CCDC178: variants seen among roughly 807,000 people sequenced by gnomAD.
CCDC178 encodes coiled-coil domain containing 178.
CCDC178 carries 126 observed loss-of-function variants against 117.4 expected under a neutral mutation model. The ratio of observed to expected loss-of-function variants is 1.07; its 90% confidence interval spans 0.93 to 1.24. The LOEUF is 1.24. CCDC178 is among the 50% of genes most tolerant of loss of function. The pLI is 0.00. For missense variants in CCDC178, 1,030 were observed against 986.9 expected (o/e 1.04, Z -0.59); for synonymous variants, 283 against 313.4 (o/e 0.90, Z 1.02).
chr18:33,415,970 T>TA (rs2063934585), intron 2 of CCDC178, among the ~76,000 whole-genome samples: 2 of 152,140 alleles, frequency 1.3e-5, no homozygotes, highest in Admixed American at 6.5e-5. Flanking sequence ...ATTCCAAACT[T>TA]GAAGTAGAAG....
rs550245330 is a variant in CCDC178 at position 32,964,661 on chromosome 18, G to A, written c.2523+9886C>T. On this transcript the variant is annotated intron_variant, in intron 22 of 22. Coordinates refer to ENST00000383096, the MANE Select transcript of CCDC178 (RefSeq NM_001105528.4). Reference sequence around the variant, plus strand: ...TCACAGTGACCCTTGGATAGGTGCTGTTTATACCTGCTTCACGTCCCAGAT... The same window carrying A: ...TCACAGTGACCCTTGGATAGGTGCTATTTATACCTGCTTCACGTCCCAGAT... Among the ~76,000 whole-genome samples, 8 of 152,018 alleles carry A rather than the reference G, an allele frequency of 5.3e-5. No homozygotes were observed. In the East Asian group the frequency reaches 9.7e-4, roughly 18 times the overall value.
chr18:33,223,018 T>C, intron 18 of CCDC178, 88 bp downstream of exon 18: 1 of 940,352 alleles, frequency 1.1e-6, no homozygotes, highest in East Asian at 2.6e-5. Flanking sequence ...ATGAGACACA[T>C]TCATTTAAAA....
intron 20 of CCDC178, among the ~76,000 whole-genome samples, chr18:33,133,990 T>C (rs889027788): frequency 6.6e-6 from 1 of 151,964 alleles, no homozygotes; most frequent in Non-Finnish European, 1.5e-5. Flanking sequence ...AAAATGATGA[T>C]GATTTTGTCC....
intron 12 of CCDC178, among the ~76,000 whole-genome samples, chr18:33,276,880 C>T (rs2059957252): frequency 6.6e-6 from 1 of 152,036 alleles, no homozygotes; most frequent in Non-Finnish European, 1.5e-5. Context: ...TCCCTAGAGG[C>T]AGAAAAGATT....
At chr18:33,123,467 C>T (rs1453030423) in intron 20 of CCDC178, among the ~76,000 whole-genome samples, 1 of 152,034 alleles carries the variant, frequency 6.6e-6, no homozygotes, top group Admixed American at 6.6e-5. Flanking sequence ...TCTCTTACTA[C>T]AAAAACCACC....
chr18:33,253,795 C>T (rs1008524335), intron 14 of CCDC178, among the ~76,000 whole-genome samples: 12 of 151,794 alleles, frequency 7.9e-5, no homozygotes, highest in Admixed American at 2.6e-4. Context: ...TTAAGTAGAC[C>T]TGTATTCAAA....
At chr18:33,351,144 C>G (rs1163967290) in intron 7 of CCDC178, among the ~76,000 whole-genome samples, 1 of 114,004 alleles carries the variant, frequency 8.8e-6, no homozygotes, top group Non-Finnish European at 1.7e-5. Context: ...TCTCACTGAT[C>G]ATGATGTGTG....
intron 21 of CCDC178, among the ~76,000 whole-genome samples, chr18:32,981,456 T>A (rs1469042001): frequency 1.3e-5 from 2 of 152,146 alleles, no homozygotes; most frequent in East Asian, 3.9e-4. Context: ...GCTGGTAAGG[T>A]TACACAGAAA....
At chr18:33,336,410 T>C (rs2062741227) in intron 9 of CCDC178, among the ~76,000 whole-genome samples, 2 of 152,236 alleles carry the variant, frequency 1.3e-5, no homozygotes, top group South Asian at 4.1e-4. Flanking sequence ...GTCTATTTAC[T>C]TCCAGAAATT....
At chr18:33,435,572 CAGAG>C (rs1206671909) in intron 2 of CCDC178, among the ~76,000 whole-genome samples, 4 of 151,242 alleles carry the variant, frequency 2.6e-5, no homozygotes, top group Non-Finnish European at 5.9e-5. Flanking sequence ...AGTAACACTA[CAGAG>C]AGAGAGAGGC....
At position 32,965,792 on chromosome 18, in the gene CCDC178, G is replaced by A. The variant is rs192270851; in HGVS notation, c.2523+8755C>T. On this transcript the variant is annotated intron_variant, in intron 22 of 22. Transcript: ENST00000383096. Reference sequence around the variant, plus strand: ...TTGAAAAACATGCCAGCATGATGACGGAAAACAAATTATTTTATATTATTA... The same window carrying A: ...TTGAAAAACATGCCAGCATGATGACAGAAAACAAATTATTTTATATTATTA... Among the ~76,000 whole-genome samples the A allele has an allele frequency of 6.9e-4, 104 of 151,088 alleles. 1 individual carries two copies. The highest frequency in any genetic ancestry group is 2.2e-3 in the African/African-American group (91 of 41,384).
intron 20 of CCDC178, among the ~76,000 whole-genome samples, chr18:33,184,987 C>T (rs985692418): frequency 3.3e-5 from 5 of 151,888 alleles, no homozygotes; most frequent in Admixed American, 6.6e-5. Flanking sequence ...TGCATCTATA[C>T]GAGACCAAAA....
intron 20 of CCDC178, among the ~76,000 whole-genome samples, chr18:33,210,450 T>A (rs2059094621): frequency 6.6e-6 from 1 of 152,030 alleles, no homozygotes; most frequent in African/African-American, 2.4e-5. Flanking sequence ...TTTATTCATC[T>A]CTCTCCTGCT....
At chr18:33,430,934 G>A (rs2064207574) in intron 2 of CCDC178, among the ~76,000 whole-genome samples, 1 of 151,984 alleles carries the variant, frequency 6.6e-6, no homozygotes, top group Non-Finnish European at 1.5e-5. Context: ...AATTAGCCGG[G>A]CGCGGTGGTG....
intron 20 of CCDC178, among the ~76,000 whole-genome samples, chr18:33,135,811 C>G (rs1598918933): frequency 6.6e-6 from 1 of 152,136 alleles, no homozygotes; most frequent in African/African-American, 2.4e-5. Flanking sequence ...CTGACATTTA[C>G]CCCGTGTGAC....
rs559704786 is a variant in CCDC178, at chr18:33,227,599, T to C, written c.1594-744A>G. Among the ~76,000 whole-genome samples, 136 of 143,708 alleles carry C rather than the reference T, an allele frequency of 9.5e-4. 1 individual carries two copies. Among genetic ancestry groups the C allele is most frequent in the African/African-American group, 2.3e-3 (89 of 38,768 alleles). The allele number at this position is 143,708 out of a possible 152,430, so 94.3% of individuals were successfully genotyped here. A position where few individuals can be genotyped will look rare whatever the true frequency, so the allele number is the denominator to read the frequency against. ...ATATATACACACACACACACACACA[T>C]AGTTTTGCAAGGAGGAACAATAAAA... is the stretch of plus-strand genomic sequence containing the variant. On this transcript the variant is annotated intron_variant, in intron 15 of 22. Transcript: ENST00000383096.
rs570520598 is a variant in CCDC178 at position 33,158,412 on chromosome 18, T to C, written c.2238+53484A>G. Among the ~76,000 whole-genome samples, 8 of 152,248 alleles carry C rather than the reference T, an allele frequency of 5.3e-5. No individual in the cohort carries two copies. The East Asian group carries it at 1.5e-3, about 29-fold the overall frequency. ...ATATCTGTACTTTATTTCCATAGAA[T>C]TATCTAAAAATTAAAATTTTAAATT... On this transcript the variant is annotated intron_variant, in intron 20 of 22. Transcript: ENST00000383096.
chr18:33,040,765 T>C (rs2056534250), intron 21 of CCDC178, among the ~76,000 whole-genome samples: 1 of 151,944 alleles, frequency 6.6e-6, no homozygotes, highest in East Asian at 1.9e-4. Context: ...GTTCCCCTAG[T>C]ATCAAATCCC....
chr18:33,115,090 A>G (rs2057836845), intron 20 of CCDC178, among the ~76,000 whole-genome samples: 1 of 152,076 alleles, frequency 6.6e-6, no homozygotes, highest in African/African-American at 2.4e-5. Flanking sequence ...TCTCTAAAAC[A>G]GTTGTCCATC....
Sources: gnomAD v4.1 joint callset for allele counts (sites outside exome capture counted in the v4.1 genomes callset) on GRCh38, gnomAD v4.1.1 for gene constraint, MANE v1.5 for transcripts, NCBI Gene and HGNC (gene_info 2026-07-23, HGNC 2026-07-21) for gene names.